The following MMEL1 variants were observed in gnomAD, a reference collection of about 807,000 sequenced individuals.
MMEL1 encodes the protein membrane metalloendopeptidase like 1.
A neutral mutation model predicts 117.1 loss-of-function variants in MMEL1; 98 were observed. The ratio of observed to expected loss-of-function variants is 0.84; its 90% CI spans 0.71 to 0.99. MMEL1 has a LOEUF of 0.99. Among genes scored for constraint, MMEL1 ranks in the 50% least tolerant of loss-of-function variants. MMEL1 has a pLI of 0.00. For synonymous variants in MMEL1, 390 were observed against 415.1 expected (o/e 0.94, Z 0.74); for missense variants, 1,014 against 1,049.1 (o/e 0.97, Z 0.46).
At chr1:2,604,318 C>A in intron 9 of MMEL1, 37 bp from the exon 10 acceptor site, 1 of 1,608,014 alleles carries the variant, frequency 6.2e-7, no homozygotes, top group Non-Finnish European at 8.5e-7. Flanking sequence ...TGGGTGGCCT[C>A]AGCCACCATG....
intron 6 of MMEL1, 146 bp from the exon 7 acceptor site, chr1:2,607,215 C>T (rs1014054439): frequency 8.0e-5 from 53 of 660,044 alleles, no homozygotes; most frequent in Non-Finnish European, 1.2e-4. Flanking sequence ...AGCCTCTGGG[C>T]CTTTACACCT....
rs149686569 is a variant in MMEL1, at chr1:2,615,838, A to T, written c.155-3634T>A. ...TGTTAAATGGCTTAACATATATGTA[A>T]CTAGAGACTCAGAGAGCAATATTTG... On this transcript the variant is annotated intron_variant, in intron 2 of 23. Transcript: ENST00000378412. Among the ~76,000 whole-genome samples, 21 of 152,338 alleles carry T rather than the reference A, an allele frequency of 1.4e-4. 1 individual carries two copies. The East Asian group carries it at 4.0e-3, about 29-fold the overall frequency.
chr1:2,594,656 C>T, intron 17 of MMEL1, 134 bp downstream of exon 17: 1 of 900,104 alleles, frequency 1.1e-6, no homozygotes, highest in Non-Finnish European at 1.8e-6. Context: ...CAAGATAGGC[C>T]CAGTGACTGC....
Position 2,611,268 on chromosome 1 carries a change from G to C in MMEL1, c.292+13C>G, listed in dbSNP as rs753784891. The C allele has an allele frequency of 6.3e-7, 1 of 1,575,594 alleles. No homozygotes were observed. Among genetic ancestry groups the C allele is most frequent in the Non-Finnish European group, 8.6e-7 (1 of 1,162,434 alleles). On this transcript the variant is annotated intron_variant, in intron 4 of 23. Coordinates refer to ENST00000378412, the MANE Select transcript of MMEL1 (RefSeq NM_033467.4). ...CTTGGGCAGGCTGTGGACGGCAAGG[G>C]GGCGGGGCTTACCTGCTATCACGCA... is the stretch of plus-strand genomic sequence containing the variant.
chr1:2,596,139 A>G, intron 14 of MMEL1, 32 bp from the exon 15 acceptor site: 1 of 1,582,660 alleles, frequency 6.3e-7, no homozygotes, highest in Non-Finnish European at 8.7e-7. Flanking sequence ...CGTGTCCCAG[A>G]CTCATCTGGA....
chr1:2,605,479 G>T, intron 9 of MMEL1, 79 bp downstream of exon 9: 1 of 1,276,718 alleles, frequency 7.8e-7, no homozygotes, highest in Non-Finnish European at 1.1e-6. Context: ...GGGAAGGCCA[G>T]GTGGGCAACG....
At chr1:2,609,003 C>A (rs1340207701) in intron 6 of MMEL1, among the ~76,000 whole-genome samples, 1 of 151,514 alleles carries the variant, frequency 6.6e-6, no homozygotes, top group Non-Finnish European at 1.5e-5. Context: ...AATATGCATG[C>A]ACATATATAC....
intron 7 of MMEL1, 53 bp from the exon 8 acceptor site, chr1:2,606,419 C>G: frequency 7.0e-7 from 1 of 1,436,368 alleles, no homozygotes; most frequent in South Asian, 1.2e-5. Flanking sequence ...GGCCCCAGCC[C>G]GGCCCCTTGT....
At chr1:2,632,783 G>GT in intron 1 of MMEL1, 83 bp downstream of exon 1, 2 of 858,198 alleles carry the variant, frequency 2.3e-6, no homozygotes, top group Non-Finnish European at 2.8e-6. Context: ...GCCTGGAGAG[G>GT]GTTTCAAGGC....
rs141433545 is a variant in MMEL1, at chr1:2,604,278, G to A, written c.820C>T (p.Arg274Trp). Residue 274 changes from arginine (R) to tryptophan (W), a missense_variant, in exon 10 of 24, where the codon CGG (arginine) becomes TGG (tryptophan). Transcript: ENST00000378412. ...YFNGGSNRKV[R>W]EAYLQFMVSV... ...ACCATGAACTGCAGGTAGGCTTCCC[G>A]CACCTGGGCCAAAGGACGCCGGGCA... 269 of 1,612,634 alleles carry A rather than the reference G, an allele frequency of 1.7e-4. No homozygotes were observed. In the African/African-American group the frequency reaches 3.1e-3, roughly 18 times the overall value.
rs972962572 is a variant in MMEL1 at position 2,605,470 on chromosome 1, G to A, written c.816+88C>T. On this transcript the variant is annotated intron_variant, in intron 9 of 23. Transcript: ENST00000378412. ...GCTCACTAACACCAGCTTCGGGGAG[G>A]GAAGGCCAGGTGGGCAACGGGAAGG... The A allele has an allele frequency of 2.3e-4, 274 of 1,170,254 alleles. 2 individuals carry two copies. Among genetic ancestry groups the A allele is most frequent in the Non-Finnish European group, 3.3e-4 (262 of 790,270 alleles). 72.5% of individuals were successfully genotyped at this position (1,170,254 alleles called of 1,614,324 possible).
At chr1:2,591,784 C>T in intron 22 of MMEL1, 148 bp downstream of exon 22, 3 of 1,045,658 alleles carry the variant, frequency 2.9e-6, no homozygotes, top group South Asian at 2.7e-5. Flanking sequence ...CATTGAAATC[C>T]TGTCCAGCTC....
intron 4 of MMEL1, 66 bp from the exon 5 acceptor site, chr1:2,609,897 C>T (rs952538524): frequency 5.3e-6 from 8 of 1,522,600 alleles, no homozygotes; most frequent in Middle Eastern, 1.8e-4. Context: ...AGCCCAGAAG[C>T]CTGTCTCCCG....
intron 11 of MMEL1, among the ~76,000 whole-genome samples, chr1:2,599,491 A>T (rs1042583879): frequency 2.1e-4 from 32 of 152,244 alleles, no homozygotes; most frequent in Non-Finnish European, 1.0e-4. Flanking sequence ...AAGTCACATG[A>T]TTATTTCAAC....
At chr1:2,628,457 G>C (rs1327495567) in intron 2 of MMEL1, among the ~76,000 whole-genome samples, 1 of 152,234 alleles carries the variant, frequency 6.6e-6, no homozygotes, top group African/African-American at 2.4e-5. Flanking sequence ...TGGGGTGCGA[G>C]GTCCGCCATG....
chr1:2,616,661 G>A (rs1645205378), intron 2 of MMEL1, among the ~76,000 whole-genome samples: 2 of 152,216 alleles, frequency 1.3e-5, no homozygotes, highest in East Asian at 3.8e-4. Context: ...AGACCAGATT[G>A]GTGGGCAGGA....
At chr1:2,591,201 T>C (rs1455904590) in intron 23 of MMEL1, 112 bp from the exon 24 acceptor site, 3 of 690,266 alleles carry the variant, frequency 4.3e-6, no homozygotes, top group Non-Finnish European at 7.1e-6. Context: ...ATGGCTCATG[T>C]CAGTATGAGC....
chr1:2,592,953 G>A lies in MMEL1; in HGVS notation c.1881C>T (p.Asp627=), dbSNP rs1291925106. The A allele has an allele frequency of 6.2e-7, 1 of 1,613,550 alleles. No homozygotes were observed. Among genetic ancestry groups the A allele is most frequent in the African/African-American group, 1.3e-5 (1 of 75,024 alleles). The change falls in exon 20 of 24, where the codon GAC becomes GAT. Residue 627 remains aspartate (D), a synonymous_variant. Coordinates refer to ENST00000378412, the MANE Select transcript of MMEL1 (RefSeq NM_033467.4). ...HGFDDNGRNF[D]KNGNMMDWWS... The stretch of plus-strand genomic sequence containing the variant: ...ACCAATCCATCATGTTGCCATTCTT[G>A]TCGAAGTTCCGGCCTGGGCAGGGGC...
chr1:2,605,726 C>T, intron 8 of MMEL1, 103 bp from the exon 9 acceptor site: 1 of 832,968 alleles, frequency 1.2e-6, no homozygotes, highest in Non-Finnish European at 1.9e-6. Flanking sequence ...GCCCCGTGCA[C>T]ACGTGCTCTG....
Sources: allele counts gnomAD v4.1 joint callset (sites outside exome capture counted in the v4.1 genomes callset), GRCh38; gene constraint gnomAD v4.1.1; transcripts MANE v1.5; gene names NCBI Gene and HGNC (gene_info 2026-07-23, HGNC 2026-07-21).